Variants in SPTLC3 observed in about 807,000 individuals in gnomAD.
The protein encoded by SPTLC3 is serine palmitoyltransferase 3.
SPTLC3 carries 36 observed loss-of-function variants against 59.3 expected under a neutral mutation model. The ratio of observed to expected loss-of-function variants is 0.61; its 90% CI spans 0.47 to 0.80. SPTLC3 has a LOEUF of 0.80. Among genes scored for constraint, SPTLC3 ranks in the 30% least tolerant of loss-of-function variants. The probability of loss-of-function intolerance (pLI) is 0.00; values close to 1 mark genes in which losing one functional copy is unlikely to be tolerated. For synonymous variants in SPTLC3, 257 were observed against 240.8 expected, an observed-to-expected ratio of 1.07 and a Z score of -0.62; for missense variants, 625 against 685.1, an observed-to-expected ratio of 0.91 and a Z score of 0.98.
rs866954683 is a variant in SPTLC3, at chr20:13,164,781, G to A, written c.1573G>A (p.Asp525Asn). The change falls in exon 12 of 12, where the codon GAT (aspartate) becomes AAT (asparagine). Residue 525 changes from aspartate to asparagine, a missense_variant. Transcript: ENST00000399002. ...TVLEALDEMG[D>N]LLQLKYSRHK... The stretch of plus-strand genomic sequence containing the variant: ...TTTAGAAGCTCTTGATGAAATGGGT[G>A]ATCTCTTGCAACTGAAATATTCCCG... The A allele has an allele frequency of 6.2e-7, 1 of 1,613,754 alleles. No homozygotes were observed. Among genetic ancestry groups the A allele is most frequent in the Non-Finnish European group, 8.5e-7 (1 of 1,179,810 alleles).
At chr20:13,048,654 T>A (rs1037745092) in intron 1 of SPTLC3, among the ~76,000 whole-genome samples, 2 of 152,226 alleles carry the variant, frequency 1.3e-5, no homozygotes, top group Admixed American at 6.5e-5. Context: ...GATTAGGAAG[T>A]AAGCTGTGGG....
chr20:13,146,389 A>G (rs986492015), intron 9 of SPTLC3, among the ~76,000 whole-genome samples: 9 of 152,112 alleles, frequency 5.9e-5, no homozygotes, highest in Admixed American at 2.6e-4. Flanking sequence ...GTGTTTACCT[A>G]TGTAACAAAT....
At position 13,168,611 on chromosome 20, in the gene SPTLC3, A is replaced by C. The variant is rs1422148100; in HGVS notation, c.*3744A>C. ...CTTAACAGTTCTTCAAACGAACAAT[A>C]TTCTTTTGTATTTTTCTTCAGAGAT... is the stretch of plus-strand genomic sequence containing the variant. On this transcript the variant is annotated 3_prime_UTR_variant, in exon 12 of 12. Coordinates refer to ENST00000399002, the MANE Select transcript of SPTLC3 (RefSeq NM_018327.4). The C allele has an allele frequency of 2.0e-5, 3 of 152,202 alleles. No homozygotes were observed. Among genetic ancestry groups the C allele is most frequent in the African/African-American group, 7.2e-5 (3 of 41,446 alleles). 9.4% of individuals were successfully genotyped at this position (152,202 alleles called of 1,614,324 possible). A position where few individuals can be genotyped will look rare whatever the true frequency, so the allele number is the denominator to read the frequency against.
At chr20:13,012,506 G>T (rs1259819473) in intron 1 of SPTLC3, among the ~76,000 whole-genome samples, 1 of 152,194 alleles carries the variant, frequency 6.6e-6, no homozygotes, top group Non-Finnish European at 1.5e-5. Context: ...TTAAATGCTA[G>T]TGCAAGGACA....
chr20:13,026,683 G>A (rs1460306869), intron 1 of SPTLC3, among the ~76,000 whole-genome samples: 1 of 152,192 alleles, frequency 6.6e-6, no homozygotes, highest in Non-Finnish European at 1.5e-5. Flanking sequence ...CGAACAAAGT[G>A]CAGTGTTGAA....
At chr20:13,144,540 A>G (rs1430887479) in intron 9 of SPTLC3, among the ~76,000 whole-genome samples, 1 of 152,212 alleles carries the variant, frequency 6.6e-6, no homozygotes, top group African/African-American at 2.4e-5. Flanking sequence ...AAATCTATTG[A>G]CTGAGGACAA....
chr20:13,011,057 T>C (rs1342650856), intron 1 of SPTLC3, among the ~76,000 whole-genome samples: 2 of 152,144 alleles, frequency 1.3e-5, no homozygotes, highest in Non-Finnish European at 2.9e-5. Flanking sequence ...GTCTCAGACA[T>C]ATTTAGGTGT....
At chr20:13,148,408 A>C (rs2038564741) in intron 9 of SPTLC3, among the ~76,000 whole-genome samples, 1 of 152,136 alleles carries the variant, frequency 6.6e-6, no homozygotes, top group African/African-American at 2.4e-5. Context: ...CCCTTGATTT[A>C]ACCACCCTCA....
At chr20:13,081,372 T>C (rs539901948) in intron 4 of SPTLC3, among the ~76,000 whole-genome samples, 85 of 152,338 alleles carry the variant, frequency 5.6e-4, no homozygotes, top group African/African-American at 2.0e-3. Flanking sequence ...ACCATTTATC[T>C]TCCTAACAAA....
chr20:13,101,993 G>A (rs1989617655), intron 6 of SPTLC3, among the ~76,000 whole-genome samples: 1 of 152,090 alleles, frequency 6.6e-6, no homozygotes, highest in African/African-American at 2.4e-5. Flanking sequence ...GGTCCAGGCA[G>A]GTCAAGAATT....
intron 4 of SPTLC3, among the ~76,000 whole-genome samples, chr20:13,082,220 C>T (rs961891496): frequency 3.9e-5 from 6 of 152,118 alleles, no homozygotes; most frequent in Non-Finnish European, 7.4e-5. Flanking sequence ...CATCTTCCCA[C>T]ATAAATACCA....
At chr20:13,108,728 C>A (rs1489897627) in intron 6 of SPTLC3, among the ~76,000 whole-genome samples, 1 of 152,160 alleles carries the variant, frequency 6.6e-6, no homozygotes, top group African/African-American at 2.4e-5. Context: ...GTGCCTACCA[C>A]CATACCCACT....
At chr20:13,078,654 G>A (rs893417458) in intron 4 of SPTLC3, among the ~76,000 whole-genome samples, 2 of 152,028 alleles carry the variant, frequency 1.3e-5, no homozygotes, top group African/African-American at 4.8e-5. Context: ...AAAGACTATT[G>A]TACAACAGAA....
intron 10 of SPTLC3, among the ~76,000 whole-genome samples, chr20:13,155,414 T>A (rs563377488): frequency 2.0e-5 from 3 of 152,148 alleles, no homozygotes; most frequent in East Asian, 1.9e-4. Context: ...ATAAAAGAGG[T>A]TTGGGTCTTA....
intron 4 of SPTLC3, among the ~76,000 whole-genome samples, chr20:13,077,985 G>A (rs1449271325): frequency 6.6e-6 from 1 of 151,498 alleles, no homozygotes; most frequent in Non-Finnish European, 1.5e-5. Context: ...AGGTGATTCT[G>A]ATAAGCAGCC....
intron 1 of SPTLC3, among the ~76,000 whole-genome samples, chr20:13,032,553 C>T (rs901382935): frequency 1.3e-5 from 2 of 152,266 alleles, no homozygotes; most frequent in East Asian, 3.9e-4. Context: ...AGGCCATGTT[C>T]CCTCATTTCC....
In SPTLC3 at chr20:13,072,394, T is replaced by C. The variant is rs1261438230; in HGVS notation, c.442T>C (p.Tyr148His). 1.3e-6 allele frequency: 2 copies of C among 1,597,762 alleles called. No homozygotes were observed. Among genetic ancestry groups the C allele is most frequent in the Non-Finnish European group, 1.7e-6 (2 of 1,174,306 alleles). ...TTTGATGGAGAGGGTATCAGACGACTATAACTGGACGTTTAGGTGAGAGAA... is the reference window on the plus strand; with the variant it reads ...TTTGATGGAGAGGGTATCAGACGACCATAACTGGACGTTTAGGTGAGAGAA... ...FDLMERVSDD[Y>H]NWTFRFTGRV... Residue 148 changes from tyrosine (Y) to histidine (H), a missense_variant, in exon 3 of 12, where the codon TAT becomes CAT. Transcript: ENST00000399002.
chr20:13,116,492 T>C (rs1241015242), intron 7 of SPTLC3, among the ~76,000 whole-genome samples: 1 of 152,166 alleles, frequency 6.6e-6, no homozygotes, highest in Non-Finnish European at 1.5e-5. Context: ...AGAGGTGCCA[T>C]GTAAATAGAA....
intron 5 of SPTLC3, among the ~76,000 whole-genome samples, chr20:13,092,543 A>G (rs1989263059): frequency 1.3e-5 from 2 of 152,354 alleles, no homozygotes; most frequent in South Asian, 4.1e-4. Flanking sequence ...GTATTGTAGA[A>G]GCATTGAACT....
Sources: allele counts gnomAD v4.1 joint callset (sites outside exome capture counted in the v4.1 genomes callset), GRCh38; gene constraint gnomAD v4.1.1; transcripts MANE v1.5; gene names NCBI Gene and HGNC (gene_info 2026-07-23, HGNC 2026-07-21).